FAF1: variants seen among roughly 807,000 people sequenced by gnomAD.
FAF1 encodes the protein Fas associated factor 1.
Under a neutral mutation model 92.5 loss-of-function variants are expected in FAF1, and 25 were observed. That is an observed-to-expected ratio of 0.27 (90% CI 0.20 to 0.38). The LOEUF (loss-of-function observed/expected upper bound fraction) is 0.38, where lower values mean the gene tolerates loss of function less well. FAF1 is among the 10% of genes least tolerant of loss of function. The pLI is 1.00. For missense variants in FAF1, 636 were observed against 793.3 expected, an observed-to-expected ratio of 0.80 and a Z score of 2.38; for synonymous variants, 234 against 273.2, an observed-to-expected ratio of 0.86 and a Z score of 1.42.
chr1:50,669,908 G>C (rs1159600476), intron 7 of FAF1, among the ~76,000 whole-genome samples: 2 of 152,144 alleles, frequency 1.3e-5, no homozygotes. Context: ...GATCACTTGA[G>C]GTCGGGAGTT....
intron 8 of FAF1, among the ~76,000 whole-genome samples, chr1:50,624,897 CTT>C (rs34177866): frequency 0.068 from 8,399 of 124,378 alleles, 133 homozygotes; most frequent in African/African-American, 0.094. Context: ...ATCCCACACT[CTT>C]TTTTTTTTTT....
At chr1:50,915,398 C>T (rs552748754) in intron 1 of FAF1, among the ~76,000 whole-genome samples, 1 of 150,948 alleles carries the variant, frequency 6.6e-6, no homozygotes. Context: ...GAACAACTTA[C>T]TGAAAAACAA....
At chr1:50,925,327 A>G (rs1053652374) in intron 1 of FAF1, among the ~76,000 whole-genome samples, 2 of 152,202 alleles carry the variant, frequency 1.3e-5, no homozygotes, top group Non-Finnish European at 2.9e-5. Flanking sequence ...ACTGTACTAA[A>G]CTAAAAGGCT....
chr1:50,483,317 G>T (rs1350980717), intron 17 of FAF1, among the ~76,000 whole-genome samples: 2 of 151,992 alleles, frequency 1.3e-5, no homozygotes, highest in Non-Finnish European at 2.9e-5. Context: ...GACCATATAT[G>T]TGTGGGTCTA....
At chr1:50,925,344 C>T (rs547279952) in intron 1 of FAF1, among the ~76,000 whole-genome samples, 1 of 152,046 alleles carries the variant, frequency 6.6e-6, no homozygotes, top group East Asian at 1.9e-4. Flanking sequence ...GGCTTCTCCA[C>T]GGTAAAAGAA....
chr1:50,905,292 G>A (rs1644827390), intron 1 of FAF1, among the ~76,000 whole-genome samples: 1 of 152,150 alleles, frequency 6.6e-6, no homozygotes, highest in African/African-American at 2.4e-5. Flanking sequence ...ATCATTGATG[G>A]ACATTTGGGT....
chr1:50,553,234 T>A (rs1649397065), intron 13 of FAF1, among the ~76,000 whole-genome samples: 2 of 152,164 alleles, frequency 1.3e-5, no homozygotes, highest in Admixed American at 6.6e-5. Context: ...GAAGTGGTGA[T>A]CAGAGCCAGA....
intron 7 of FAF1, among the ~76,000 whole-genome samples, chr1:50,664,051 G>GTAGTGACGCGA (rs1183702698): frequency 6.9e-6 from 1 of 144,194 alleles, no homozygotes; most frequent in African/African-American, 2.7e-5. Flanking sequence ...AGGCTGGAGT[G>GTAGTGACGCGA]TAGTGACGCG....
chr1:50,796,856 G>A (rs138727527), intron 3 of FAF1, among the ~76,000 whole-genome samples: 13 of 152,248 alleles, frequency 8.5e-5, no homozygotes, highest in African/African-American at 2.6e-4. Context: ...TAGACCAGGT[G>A]AGGTGGCTCA....
At position 50,718,086 on chromosome 1, in the gene FAF1, C is replaced by T. The variant is rs187535764; in HGVS notation, c.552-12195G>A. Reference sequence around the variant, plus strand: ...CCAGGCTGGAGTGCAATGGTGTGGTCTCGACTCACTGCAACCTCCGCCTCC... The same window carrying T: ...CCAGGCTGGAGTGCAATGGTGTGGTTTCGACTCACTGCAACCTCCGCCTCC... On this transcript the variant is annotated intron_variant, in intron 6 of 18. Coordinates refer to ENST00000396153, the MANE Select transcript of FAF1 (RefSeq NM_007051.3). 1.7e-4 allele frequency among the ~76,000 whole-genome samples: 26 copies of T among 151,852 alleles called. No homozygotes were observed. The East Asian group carries it at 4.6e-3, about 27-fold the overall frequency.
intron 1 of FAF1, among the ~76,000 whole-genome samples, chr1:50,924,720 C>T (rs1207136873): frequency 1.3e-5 from 2 of 152,146 alleles, no homozygotes; most frequent in African/African-American, 2.4e-5. Context: ...CAGTGGCTCA[C>T]GCCTGTAAAC....
At chr1:50,726,136 A>T (rs1477178803) in intron 6 of FAF1, among the ~76,000 whole-genome samples, 1 of 151,936 alleles carries the variant, frequency 6.6e-6, no homozygotes. Context: ...GGCACCTGTA[A>T]TCCCAGCTAC....
At chr1:50,635,441 CTTGAGACCATGT>C (rs1280569710) in intron 8 of FAF1, among the ~76,000 whole-genome samples, 1 of 152,076 alleles carries the variant, frequency 6.6e-6, no homozygotes, top group Non-Finnish European at 1.5e-5. Flanking sequence ...TGTTTTGTTT[CTTGAGACCATGT>C]CTCACTCTGT....
intron 2 of FAF1, among the ~76,000 whole-genome samples, chr1:50,823,001 C>T (rs1207807416): frequency 6.6e-6 from 1 of 151,938 alleles, no homozygotes; most frequent in Non-Finnish European, 1.5e-5. Flanking sequence ...CTCCAACTTC[C>T]GACCTCAGGT....
chr1:50,453,422 A>G (rs952691011), intron 18 of FAF1, among the ~76,000 whole-genome samples: 2 of 152,242 alleles, frequency 1.3e-5, no homozygotes, highest in East Asian at 1.9e-4. Context: ...AACGACATAC[A>G]AAAGACTTGC....
At chr1:50,749,241 G>A (rs34480629) in intron 4 of FAF1, among the ~76,000 whole-genome samples, 1 of 152,154 alleles carries the variant, frequency 6.6e-6, no homozygotes, top group Admixed American at 6.5e-5. Context: ...GCATTTGCAA[G>A]TCTGTCCAGT....
At chr1:50,777,303 C>T (rs184209086) in intron 4 of FAF1, among the ~76,000 whole-genome samples, 184 of 151,504 alleles carry the variant, frequency 1.2e-3, no homozygotes, top group Non-Finnish European at 2.2e-3. Flanking sequence ...CCTGTAGTCC[C>T]AGCACTCGGG....
intron 6 of FAF1, among the ~76,000 whole-genome samples, chr1:50,727,139 C>CTAA (rs1425953847): frequency 4.0e-4 from 61 of 152,196 alleles, no homozygotes; most frequent in Admixed American, 4.0e-3. Context: ...TTCAGTGAGG[C>CTAA]CTTTATTGAC....
At chr1:50,745,713 G>A (rs1381263607) in intron 4 of FAF1, among the ~76,000 whole-genome samples, 1 of 152,274 alleles carries the variant, frequency 6.6e-6, no homozygotes, top group African/African-American at 2.4e-5. Context: ...ATGGAACAGT[G>A]AGACAATTAA....
Sources: gnomAD v4.1 joint callset for allele counts (sites outside exome capture counted in the v4.1 genomes callset) on GRCh38, gnomAD v4.1.1 for gene constraint, MANE v1.5 for transcripts, NCBI Gene and HGNC (gene_info 2026-07-23, HGNC 2026-07-21) for gene names.